Variants in EXOC4 observed in about 807,000 individuals in gnomAD.
EXOC4 encodes the protein exocyst complex component 4.
In EXOC4, 71 loss-of-function variants were observed where a neutral mutation model predicts 107.2. That is an observed-to-expected ratio of 0.66 (90% CI 0.55 to 0.81). EXOC4 has a LOEUF of 0.81. Among genes scored for constraint, EXOC4 ranks in the 30% least tolerant of loss-of-function variants. The pLI is 0.00. For synonymous variants in EXOC4, 456 were observed against 441.2 expected, an observed-to-expected ratio of 1.03 and a Z score of -0.42; for missense variants, 1,108 against 1,189.6, an observed-to-expected ratio of 0.93 and a Z score of 1.01.
chr7:133,762,467 C>G (rs1796052426), intron 10 of EXOC4, among the ~76,000 whole-genome samples: 1 of 152,096 alleles, frequency 6.6e-6, no homozygotes, highest in Non-Finnish European at 1.5e-5. Context: ...TAGTCCTATA[C>G]TTTCCTGGTT....
chr7:133,795,158 T>C (rs1015083876), intron 10 of EXOC4, among the ~76,000 whole-genome samples: 17 of 152,116 alleles, frequency 1.1e-4, no homozygotes, highest in Non-Finnish European at 4.4e-5. Flanking sequence ...AAATAAGAAA[T>C]GATGACACTT....
intron 10 of EXOC4, among the ~76,000 whole-genome samples, chr7:133,699,945 T>A (rs1220069698): frequency 6.6e-6 from 1 of 152,186 alleles, no homozygotes; most frequent in East Asian, 1.9e-4. Context: ...AAAACCGAGG[T>A]CTGAGGTAGC....
At chr7:133,254,615 A>G (rs1326484368) in intron 1 of EXOC4, among the ~76,000 whole-genome samples, 1 of 152,222 alleles carries the variant, frequency 6.6e-6, no homozygotes, top group Non-Finnish European at 1.5e-5. Context: ...GGCACGTATT[A>G]CATATTGAAT....
chr7:133,407,711 A>AATATGGT (rs1447091480), intron 7 of EXOC4, among the ~76,000 whole-genome samples: 1 of 152,212 alleles, frequency 6.6e-6, no homozygotes. Flanking sequence ...AATAAATACC[A>AATATGGT]ATATTACCAA....
intron 9 of EXOC4, among the ~76,000 whole-genome samples, chr7:133,537,294 G>GCCCCC (rs1174469433): frequency 8.1e-6 from 1 of 123,506 alleles, no homozygotes; most frequent in African/African-American, 3.6e-5. Flanking sequence ...GGGATTACAG[G>GCCCCC]CACCCCCCCC....
At chr7:133,842,821 A>G (rs1201021051) in intron 11 of EXOC4, among the ~76,000 whole-genome samples, 2 of 152,166 alleles carry the variant, frequency 1.3e-5, no homozygotes, top group Non-Finnish European at 2.9e-5. Context: ...TGTATGGTAT[A>G]AATAACGAAG....
intron 5 of EXOC4, among the ~76,000 whole-genome samples, chr7:133,352,653 T>C (rs1347898454): frequency 6.6e-6 from 1 of 152,054 alleles, no homozygotes; most frequent in African/African-American, 2.4e-5. Flanking sequence ...TAATTACTGA[T>C]AAGGAATGAC....
chr7:133,343,741 T>C (rs947400403), intron 5 of EXOC4, among the ~76,000 whole-genome samples: 2 of 152,070 alleles, frequency 1.3e-5, no homozygotes, highest in South Asian at 2.1e-4. Context: ...TTTTATTCTC[T>C]ATTTTGGTGT....
intron 9 of EXOC4, among the ~76,000 whole-genome samples, chr7:133,537,544 G>T (rs1800296829): frequency 6.6e-6 from 1 of 152,064 alleles, no homozygotes; most frequent in Non-Finnish European, 1.5e-5. Flanking sequence ...AATACCACCT[G>T]TACTCTATTT....
Position 134,007,847 on chromosome 7 carries a change from A to T in EXOC4, c.2687+12A>T. The T allele has an allele frequency of 6.2e-7, 1 of 1,605,434 alleles. No individual in the cohort carries two copies. Among genetic ancestry groups the T allele is most frequent in the Non-Finnish European group, 8.5e-7 (1 of 1,175,190 alleles). On this transcript the variant is annotated intron_variant, in intron 17 of 17. Transcript: ENST00000253861. The stretch of plus-strand genomic sequence containing the variant: ...CTGGACTTTGCAAGGTAGGAGGGAA[A>T]ACTGGGTTTAGTTTCTTATGCCAAA...
intron 9 of EXOC4, among the ~76,000 whole-genome samples, chr7:133,538,692 G>A (rs987781571): frequency 1.3e-5 from 2 of 151,994 alleles, no homozygotes; most frequent in Non-Finnish European, 2.9e-5. Flanking sequence ...TCAATCAGGT[G>A]AGGTAGCATG....
intron 9 of EXOC4, among the ~76,000 whole-genome samples, chr7:133,582,648 G>A (rs573132911): frequency 6.6e-6 from 1 of 151,646 alleles, no homozygotes; most frequent in Admixed American, 6.6e-5. Context: ...GTTTACATGT[G>A]CAAAATGATT....
chr7:133,416,521 A>G (rs1797478136), intron 7 of EXOC4, among the ~76,000 whole-genome samples: 1 of 152,218 alleles, frequency 6.6e-6, no homozygotes. Context: ...AGTCAGATGC[A>G]TAAGTAAATA....
At position 133,401,437 on chromosome 7, in the gene EXOC4, A is replaced by G. The variant is rs1228799318; in HGVS notation, c.1182+26435A>G. Among the ~76,000 whole-genome samples the G allele has an allele frequency of 3.3e-5, 5 of 152,012 alleles. No homozygotes were observed. The South Asian group carries it at 6.2e-4, about 19-fold the overall frequency. The stretch of plus-strand genomic sequence containing the variant: ...AGAACTTTGGGAGGCTTGAGATAGG[A>G]GGATCATGAGCTCAGGAATTCAAGA... On this transcript the variant is annotated intron_variant, in intron 7 of 17. Transcript: ENST00000253861.
chr7:133,746,410 T>C (rs943204356), intron 10 of EXOC4, among the ~76,000 whole-genome samples: 18 of 152,174 alleles, frequency 1.2e-4, no homozygotes, highest in African/African-American at 4.1e-4. Flanking sequence ...TGTAGCATGA[T>C]TAATGAACTC....
chr7:133,325,262 G>A (rs967563720), intron 5 of EXOC4, among the ~76,000 whole-genome samples: 1 of 152,188 alleles, frequency 6.6e-6, no homozygotes, highest in Admixed American at 6.5e-5. Flanking sequence ...TATGATGTTA[G>A]CTGGTTATTT....
chr7:133,469,333 T>A (rs191040181), intron 7 of EXOC4, among the ~76,000 whole-genome samples: 1 of 152,120 alleles, frequency 6.6e-6, no homozygotes, highest in Non-Finnish European at 1.5e-5. Context: ...GGAGAATCGC[T>A]TGAACCTGGG....
At chr7:133,840,744 G>GTGCTGGGATTA (rs1201647765) in intron 11 of EXOC4, among the ~76,000 whole-genome samples, 1 of 152,052 alleles carries the variant, frequency 6.6e-6, no homozygotes, top group Non-Finnish European at 1.5e-5. Flanking sequence ...GCCTCCCAAA[G>GTGCTGGGATTA]TGCTGGGATT....
chr7:134,075,787 T>G, the EXOC4 span, among the ~76,000 whole-genome samples: 1 of 152,040 alleles, frequency 6.6e-6, no homozygotes, highest in Non-Finnish European at 1.5e-5. Context: ...CCAAAGCCAT[T>G]TAATTACCTG....
Sources: gnomAD v4.1 joint callset for allele counts (sites outside exome capture counted in the v4.1 genomes callset) on GRCh38, gnomAD v4.1.1 for gene constraint, MANE v1.5 for transcripts, NCBI Gene and HGNC (gene_info 2026-07-23, HGNC 2026-07-21) for gene names.